CASR: variants seen among roughly 807,000 people sequenced by gnomAD.
CASR encodes the protein extracellular calcium-sensing receptor.
Under a neutral mutation model 69.1 loss-of-function variants are expected in CASR, and 23 were observed. That is an observed-to-expected ratio of 0.33 (90% CI 0.24 to 0.47). The LOEUF is 0.47. Among genes scored for constraint, CASR ranks in the 20% least tolerant of loss-of-function variants. The probability of loss-of-function intolerance (pLI) is 1.00; values close to 1 mark genes in which losing one functional copy is unlikely to be tolerated. For synonymous variants in CASR, 541 were observed against 544.7 expected (o/e 0.99, Z 0.10); for missense variants, 924 against 1,356.1 (o/e 0.68, Z 5.00).
intron 3 of CASR, chr3:122,257,645 G>T: frequency 7.2e-6 from 3 of 419,566 alleles, no homozygotes; most frequent in South Asian, 4.9e-5. Flanking sequence ...TTTAAAAAGA[G>T]GCATTCAGTT....
At chr3:122,253,901 T>C (rs1388214420) in intron 1 of CASR, 47 bp from the exon 2 acceptor site, 2 of 430,556 alleles carry the variant, frequency 4.6e-6, no homozygotes, top group African/African-American at 2.0e-5. Flanking sequence ...CATCACAAGA[T>C]GGGATTGAGG....
chr3:122,193,199 TGTTTG>T lies in CASR; in HGVS notation c.-243+9388_-243+9392del, dbSNP rs1322206564. Among the ~76,000 whole-genome samples, 26 of 143,316 alleles carry T rather than the reference TGTTTG, an allele frequency of 1.8e-4. No homozygotes were observed. The South Asian group carries it at 5.6e-3, about 31-fold the overall frequency. The allele number at this position is 143,316 out of a possible 152,430, so 94.0% of individuals were successfully genotyped here. On this transcript the variant is annotated intron_variant, in intron 1 of 6. Coordinates refer to ENST00000639785, the MANE Select transcript of CASR (RefSeq NM_000388.4). ...ATTCTTTCATTTCTGGTTTTTTTTT[TGTTTG>T]TGTTTGTTTGTTTGTTTGTTTGTTT...
chr3:122,255,087 A>T (rs1201588105), intron 2 of CASR, among the ~76,000 whole-genome samples: 2 of 152,002 alleles, frequency 1.3e-5, no homozygotes, highest in African/African-American at 4.8e-5. Flanking sequence ...CTGTTTTATC[A>T]TCATTTTCTC....
At chr3:122,218,628 G>A (rs1179648605) in intron 1 of CASR, among the ~76,000 whole-genome samples, 1 of 150,330 alleles carries the variant, frequency 6.7e-6, no homozygotes, top group Non-Finnish European at 1.5e-5. Flanking sequence ...AGAAGAAGAA[G>A]ATGAGGAGAA....
chr3:122,199,994 G>A (rs1010424086), intron 1 of CASR, among the ~76,000 whole-genome samples: 4 of 152,050 alleles, frequency 2.6e-5, no homozygotes, highest in African/African-American at 7.2e-5. Context: ...CACAACCTCC[G>A]CCTCCCCAGT....
At chr3:122,245,672 C>G (rs573813628) in intron 1 of CASR, among the ~76,000 whole-genome samples, 5 of 151,918 alleles carry the variant, frequency 3.3e-5, no homozygotes, top group African/African-American at 1.2e-4. Flanking sequence ...GGATGTAATA[C>G]AGGAACCCAC....
chr3:122,218,189 G>A (rs1559941805), intron 1 of CASR, among the ~76,000 whole-genome samples: 1 of 152,052 alleles, frequency 6.6e-6, no homozygotes, highest in Non-Finnish European at 1.5e-5. Context: ...GGCTGTGGGA[G>A]AGTTGATGGT....
intron 1 of CASR, 105 bp from the exon 2 acceptor site, chr3:122,253,843 C>G: frequency 3.0e-6 from 1 of 332,666 alleles, no homozygotes. Context: ...GTCTGCCACC[C>G]CTAGGCCCCT....
chr3:122,196,373 CAT>C (rs1237912631), intron 1 of CASR, among the ~76,000 whole-genome samples: 2 of 151,906 alleles, frequency 1.3e-5, no homozygotes, highest in African/African-American at 2.4e-5. Flanking sequence ...GAATATGTAA[CAT>C]ATATCTAAAA....
At chr3:122,188,567 G>T (rs1388783072) in intron 1 of CASR, among the ~76,000 whole-genome samples, 2 of 152,142 alleles carry the variant, frequency 1.3e-5, no homozygotes, top group African/African-American at 4.8e-5. Context: ...CATAAAATAG[G>T]ATCAGTTAAT....
At position 122,262,147 on chromosome 3, in the gene CASR, A is replaced by G; in HGVS notation, c.1112A>G (p.Asp371Gly). The G allele has an allele frequency of 6.2e-7, 1 of 1,614,202 alleles. No individual in the cohort carries two copies. Among genetic ancestry groups the G allele is most frequent in the Non-Finnish European group, 8.5e-7 (1 of 1,180,040 alleles). ...QEGAKGPLPV[D>G]TFLRGHEESG... Reference sequence around the variant, plus strand: ...GGTGCAAAAGGACCTTTACCTGTGGACACCTTTCTGAGAGGTCACGAAGAA... The same window carrying G: ...GGTGCAAAAGGACCTTTACCTGTGGGCACCTTTCTGAGAGGTCACGAAGAA... The change falls in exon 4 of 7, where the codon GAC (aspartate) becomes GGC (glycine). Residue 371 changes from aspartate (D) to glycine (G), a missense_variant. By Grantham distance (94) the Asp-to-Gly change is moderately conservative. Coordinates refer to ENST00000639785, the MANE Select transcript of CASR (RefSeq NM_000388.4).
chr3:122,189,587 T>C (rs4678029), intron 1 of CASR, among the ~76,000 whole-genome samples: 29,753 of 152,242 alleles, frequency 0.2, 3,864 homozygotes, highest in Admixed American at 0.39. Flanking sequence ...ATATGATACC[T>C]GCAGAGAGGA....
chr3:122,195,299 G>A (rs1022820213), intron 1 of CASR, among the ~76,000 whole-genome samples: 30 of 152,216 alleles, frequency 2.0e-4, no homozygotes, highest in African/African-American at 6.5e-4. Context: ...TAGTTCAAAA[G>A]TGCTGGTTGT....
intron 6 of CASR, among the ~76,000 whole-genome samples, 176 bp downstream of exon 6, chr3:122,282,412 T>C (rs565142014): frequency 6.6e-6 from 1 of 152,364 alleles, no homozygotes; most frequent in Admixed American, 6.5e-5. Context: ...AAAAAGAATG[T>C]TAGATGTTCT....
At chr3:122,249,183 A>G (rs1311393665) in intron 1 of CASR, among the ~76,000 whole-genome samples, 1 of 152,248 alleles carries the variant, frequency 6.6e-6, no homozygotes, top group Non-Finnish European at 1.5e-5. Flanking sequence ...ACAATGGTGA[A>G]GAAAAGAGAC....
At chr3:122,233,404 G>A (rs567007132) in intron 1 of CASR, among the ~76,000 whole-genome samples, 1 of 152,294 alleles carries the variant, frequency 6.6e-6, no homozygotes, top group African/African-American at 2.4e-5. Context: ...GGGGGTCTTT[G>A]GCTGGATGGA....
At chr3:122,274,096 C>A (rs574821550) in intron 4 of CASR, among the ~76,000 whole-genome samples, 141 of 152,308 alleles carry the variant, frequency 9.3e-4, no homozygotes, top group African/African-American at 3.3e-3. Flanking sequence ...TTAGTAGGAG[C>A]CATTCTCCAT....
At chr3:122,280,050 T>A (rs1161206316) in intron 5 of CASR, among the ~76,000 whole-genome samples, 1 of 152,152 alleles carries the variant, frequency 6.6e-6, no homozygotes, top group Non-Finnish European at 1.5e-5. Flanking sequence ...ACATGGGGTG[T>A]TTGGTTTTCT....
intron 4 of CASR, among the ~76,000 whole-genome samples, chr3:122,263,579 T>G (rs112643439): frequency 6.6e-6 from 1 of 152,152 alleles, no homozygotes; most frequent in Non-Finnish European, 1.5e-5. Flanking sequence ...TTGGGAAGGA[T>G]ACCAAGAAGC....
Sources: allele counts gnomAD v4.1 joint callset (sites outside exome capture counted in the v4.1 genomes callset), GRCh38; gene constraint gnomAD v4.1.1; transcripts MANE v1.5; gene names NCBI Gene and HGNC (gene_info 2026-07-23, HGNC 2026-07-21).